The following TMEM164 variants were observed in gnomAD, a reference collection of about 807,000 sequenced individuals.
The protein encoded by TMEM164 is transmembrane protein 164, also known as RP13-360B22.2.
TMEM164 carries 4 observed loss-of-function variants against 18.8 expected under a neutral mutation model. That is an observed-to-expected ratio of 0.21 (90% confidence interval 0.10 to 0.49). The LOEUF is 0.49. Ranked by LOEUF, TMEM164 falls within the 20% of genes least tolerant of loss-of-function variation. The pLI, the probability that TMEM164 is intolerant of heterozygous loss-of-function variation, is 0.98. For synonymous variants in TMEM164, 86 were observed against 101.7 expected (o/e 0.85, Z 0.93); for missense variants, 108 against 239.9 (o/e 0.45, Z 3.63).
At chrX:110,045,427 C>G (rs1029222121) in intron 2 of TMEM164, among the ~76,000 whole-genome samples, 3 of 111,913 alleles carry the variant, frequency 2.7e-5, no homozygotes, top group Non-Finnish European at 3.8e-5. Flanking sequence ...CATTATCTTT[C>G]AAATTACATG....
At chrX:110,105,072 A>AT (rs1176193992) in intron 3 of TMEM164, among the ~76,000 whole-genome samples, 10 of 108,425 alleles carry the variant, frequency 9.2e-5, no homozygotes, top group African/African-American at 3.0e-4. Flanking sequence ...CCCTCATATG[A>AT]TTTTTTTTCT....
rs188732542 is a variant in TMEM164 at position 110,049,588 on chromosome X, G to A, written c.391-17759G>A. On this transcript the variant is annotated intron_variant, in intron 2 of 6. Transcript: ENST00000372068. ...TCTGGCACTCACTTCCTGCTGTGTGGCTTGGTTCCTAACAGGCCATAGATT... is the reference window on the plus strand; with the variant it reads ...TCTGGCACTCACTTCCTGCTGTGTGACTTGGTTCCTAACAGGCCATAGATT... 1.8e-3 allele frequency among the ~76,000 whole-genome samples: 199 copies of A among 111,459 alleles called. 1 individual carries two copies. The highest frequency in any genetic ancestry group is 6.2e-3 in the African/African-American group (190 of 30,669).
At chrX:110,080,722 T>C (rs867574364) in intron 3 of TMEM164, among the ~76,000 whole-genome samples, 5 of 111,154 alleles carry the variant, frequency 4.5e-5, no homozygotes, top group African/African-American at 1.6e-4. Flanking sequence ...ATACACAACA[T>C]TTTTTTCTGT....
At chrX:110,021,533 G>A (rs1213479173) in intron 2 of TMEM164, among the ~76,000 whole-genome samples, 2 of 111,950 alleles carry the variant, frequency 1.8e-5, no homozygotes, top group Non-Finnish European at 3.8e-5. Context: ...ATGTGTGTGT[G>A]TGTGTCAGAC....
rs185605928 is a variant in TMEM164, at chrX:110,141,351, G to A, written c.508-3447G>A. ...GAGATAACACTATGTGTATTAGTCC[G>A]TTTTCATGCTGCTGATAAAGACATA... On this transcript the variant is annotated intron_variant, in intron 4 of 6. Transcript: ENST00000372068. 5.1e-4 allele frequency among the ~76,000 whole-genome samples: 57 copies of A among 111,661 alleles called. 1 individual carries two copies. The highest frequency in any genetic ancestry group is 2.8e-4 in the East Asian group (1 of 3,578).
chrX:110,046,165 A>G (rs1935309644), intron 2 of TMEM164: 1 of 754,415 alleles, frequency 1.3e-6, no homozygotes, highest in South Asian at 6.7e-5. Context: ...CAGATACCTG[A>G]TTATTTCTGT....
At chrX:110,172,307 C>T (rs1471717625) in intron 6 of TMEM164, among the ~76,000 whole-genome samples, 2 of 111,913 alleles carry the variant, frequency 1.8e-5, no homozygotes, top group African/African-American at 3.3e-5. Context: ...GCAGGTGCCG[C>T]GACCGTCCCC....
At chrX:110,075,011 T>G (rs1035169801) in intron 3 of TMEM164, among the ~76,000 whole-genome samples, 3 of 112,107 alleles carry the variant, frequency 2.7e-5, no homozygotes, top group African/African-American at 6.5e-5. Flanking sequence ...TTTGGTAGTT[T>G]GATAGGAGTA....
At chrX:110,016,335 G>A (rs886872996) in intron 2 of TMEM164, among the ~76,000 whole-genome samples, 1 of 112,071 alleles carries the variant, frequency 8.9e-6, no homozygotes, top group Non-Finnish European at 1.9e-5. Context: ...TTTCCTTGAC[G>A]TTGGGTTCTT....
At chrX:110,038,044 G>A (rs1431844391) in intron 2 of TMEM164, among the ~76,000 whole-genome samples, 2 of 94,559 alleles carry the variant, frequency 2.1e-5, no homozygotes, top group Non-Finnish European at 4.1e-5. Flanking sequence ...AGGCTGGAGT[G>A]CAGTGGCAGG....
intron 2 of TMEM164, among the ~76,000 whole-genome samples, chrX:110,022,020 A>C (rs1933902112): frequency 9.0e-6 from 1 of 111,551 alleles, no homozygotes; most frequent in Non-Finnish European, 1.9e-5. Context: ...GCAGATAATA[A>C]AACACAAACC....
intron 3 of TMEM164, among the ~76,000 whole-genome samples, chrX:110,105,699 CACACACACACACACACACACAG>C (rs2066182006): frequency 1.0e-5 from 1 of 98,669 alleles, no homozygotes; most frequent in Non-Finnish European, 2.0e-5. Context: ...CACACACACA[CACACACACACACACACACACAG>C]ACACACACAC....
chrX:110,143,639 G>A (rs1246670194), intron 4 of TMEM164, among the ~76,000 whole-genome samples: 1 of 111,128 alleles, frequency 9.0e-6, no homozygotes, highest in Admixed American at 9.5e-5. Flanking sequence ...CATCTTCTTG[G>A]TTTCAGCCCT....
In TMEM164 at chrX:110,174,711, G is replaced by A. The variant is rs2067271165; in HGVS notation, c.*1260G>A. ...AGGTTCAGGTGCTCCACAAGGAGGA[G>A]CTTTTGTTGAAGGACTTCAGCTCAG... On this transcript the variant is annotated 3_prime_UTR_variant, in exon 7 of 7. Transcript: ENST00000372068. The A allele has an allele frequency of 9.0e-6, 1 of 111,465 alleles. No individual in the cohort carries two copies. The highest frequency in any genetic ancestry group is 3.8e-4 in the South Asian group (1 of 2,614). The allele number at this position is 111,465 out of a possible 1,213,427, so 9.2% of individuals were successfully genotyped here. A position where few individuals can be genotyped will look rare whatever the true frequency, so the allele number is the denominator to read the frequency against.
chrX:110,080,896 T>C (rs1280005502), intron 3 of TMEM164, among the ~76,000 whole-genome samples: 2 of 32,370 alleles, frequency 6.2e-5, no homozygotes, highest in Non-Finnish European at 2.4e-4. Flanking sequence ...TAATTTTTTT[T>C]TTTTTTTTTT....
chrX:110,003,608 G>C lies in TMEM164; in HGVS notation c.-167G>C, dbSNP rs1489444551. 1 of 550,668 alleles carries C rather than the reference G, an allele frequency of 1.8e-6. No individual in the cohort carries two copies. Among genetic ancestry groups the C allele is most frequent in the East Asian group, 3.5e-5 (1 of 28,332 alleles). 45.4% of individuals were successfully genotyped at this position (550,668 alleles called of 1,213,427 possible). The stretch of plus-strand genomic sequence containing the variant: ...CAAGTTAGAGCCAGCACTTTACCCC[G>C]GGCCTTGCGTGTAGCTTCCCCTCCC... On this transcript the variant is annotated 5_prime_UTR_variant, in exon 2 of 7. Coordinates refer to ENST00000372068, the MANE Select transcript of TMEM164 (RefSeq NM_032227.4).
intron 3 of TMEM164, among the ~76,000 whole-genome samples, chrX:110,095,346 A>G (rs113295777): frequency 1.8e-5 from 2 of 111,883 alleles, no homozygotes; most frequent in African/African-American, 6.5e-5. Context: ...CTTTTCACAT[A>G]GTCCCATATT....
chrX:110,123,783 C>G (rs964742892), intron 4 of TMEM164, among the ~76,000 whole-genome samples: 8 of 111,456 alleles, frequency 7.2e-5, no homozygotes, highest in Non-Finnish European at 3.8e-5. Context: ...TTGAGACCAG[C>G]CTGGGCAACA....
chrX:110,170,671 A>T (rs2067218357), intron 5 of TMEM164, among the ~76,000 whole-genome samples: 2 of 111,746 alleles, frequency 1.8e-5, no homozygotes, highest in South Asian at 7.5e-4. Flanking sequence ...TAGAGGGAAA[A>T]TATATCATTT....
Sources: allele counts gnomAD v4.1 joint callset (sites outside exome capture counted in the v4.1 genomes callset), GRCh38; gene constraint gnomAD v4.1.1; transcripts MANE v1.5; gene names NCBI Gene and HGNC (gene_info 2026-07-23, HGNC 2026-07-21).